YJU2B: variants seen among roughly 807,000 people sequenced by gnomAD.
The protein encoded by YJU2B is probable splicing factor YJU2B.
Under a neutral mutation model 38.0 loss-of-function variants are expected in YJU2B, and 18 were observed. That is an observed-to-expected ratio of 0.47 (90% CI 0.33 to 0.70). The LOEUF (loss-of-function observed/expected upper bound fraction) is 0.70. YJU2B is among the 30% of genes least tolerant of loss of function. The pLI, the probability that YJU2B is intolerant of heterozygous loss-of-function variation, is 0.02. For synonymous variants in YJU2B, 246 were observed against 225.4 expected, an observed-to-expected ratio of 1.09 and a Z score of -0.82; for missense variants, 538 against 556.3, an observed-to-expected ratio of 0.97 and a Z score of 0.33.
intron 2 of YJU2B, among the ~76,000 whole-genome samples, chr19:13,733,551 G>A (rs1972872877): frequency 1.3e-5 from 2 of 152,016 alleles, no homozygotes. Flanking sequence ...GAGAAACCCT[G>A]TCTCTACTAA....
chr19:13,756,023 T>C (rs1229652932), intron 3 of YJU2B, among the ~76,000 whole-genome samples, 174 bp from the exon 4 acceptor site: 1 of 152,222 alleles, frequency 6.6e-6, no homozygotes, highest in South Asian at 2.1e-4. Flanking sequence ...CAAGCCTACA[T>C]GTTCCAGTAA....
At chr19:13,739,489 G>A (rs971588819) in intron 2 of YJU2B, among the ~76,000 whole-genome samples, 1 of 151,982 alleles carries the variant, frequency 6.6e-6, no homozygotes, top group Non-Finnish European at 1.5e-5. Context: ...CTATGGATTT[G>A]GAAGCTCTAG....
chr19:13,742,759 C>G (rs1342400925), intron 2 of YJU2B, among the ~76,000 whole-genome samples: 11 of 152,208 alleles, frequency 7.2e-5, no homozygotes, highest in African/African-American at 2.7e-4. Flanking sequence ...TCTAGGAAGT[C>G]CTGCTCCCAA....
intron 2 of YJU2B, 96 bp downstream of exon 2, chr19:13,751,907 G>C: frequency 1.6e-6 from 2 of 1,233,234 alleles, no homozygotes; most frequent in Non-Finnish European, 2.4e-6. Context: ...CTAAGATGAT[G>C]ATTTCAATCT....
At chr19:13,739,518 C>T (rs1034474353) in intron 2 of YJU2B, among the ~76,000 whole-genome samples, 5 of 152,136 alleles carry the variant, frequency 3.3e-5, no homozygotes, top group African/African-American at 4.8e-5. Context: ...AACACTCCCT[C>T]GGTTTGTTAA....
chr19:13,742,664 G>A (rs960076133), intron 2 of YJU2B, among the ~76,000 whole-genome samples: 14 of 152,096 alleles, frequency 9.2e-5, no homozygotes, highest in African/African-American at 3.4e-4. Flanking sequence ...TGTATCCCAG[G>A]CTGATGTTCA....
chr19:13,746,242 T>TC (rs952753646), upstream of YJU2B, among the ~76,000 whole-genome samples: 1 of 150,992 alleles, frequency 6.6e-6, no homozygotes, highest in African/African-American at 2.4e-5. Flanking sequence ...ACAGTGAGAC[T>TC]CCGACTCAAA....
At chr19:13,732,940 T>G (rs554830328) in intron 2 of YJU2B, among the ~76,000 whole-genome samples, 20 of 148,996 alleles carry the variant, frequency 1.3e-4, no homozygotes, top group Non-Finnish European at 2.8e-4. Context: ...AATTTTTTTT[T>G]TTTTTTTGAG....
intron 1 of YJU2B, among the ~76,000 whole-genome samples, chr19:13,750,516 C>T (rs1004843761): frequency 5.3e-5 from 8 of 151,958 alleles, no homozygotes; most frequent in Non-Finnish European, 1.0e-4. Flanking sequence ...TGTGAGCCAC[C>T]GCACCTGGCC....
intron 2 of YJU2B, chr19:13,732,609 TC>T (rs1258299064): frequency 7.6e-6 from 1 of 131,734 alleles, no homozygotes; most frequent in African/African-American, 2.9e-5. Context: ...ATACTTTCTT[TC>T]TTTTTTTTTT....
chr19:13,741,577 TAAAAAAAAAAAA>T (rs36123429), intron 2 of YJU2B, among the ~76,000 whole-genome samples: 1 of 141,096 alleles, frequency 7.1e-6, no homozygotes, highest in Admixed American at 7.2e-5. Context: ...TTCTACAAAT[TAAAAAAAAAAAA>T]AAAAATTAGC....
upstream of YJU2B, among the ~76,000 whole-genome samples, chr19:13,742,913 C>T (rs1973130853): frequency 6.6e-6 from 1 of 152,174 alleles, no homozygotes; most frequent in Non-Finnish European, 1.5e-5. Flanking sequence ...GCATGCCTCC[C>T]TACAGCACAC....
chr19:13,752,326 G>A (rs536605496), intron 2 of YJU2B, among the ~76,000 whole-genome samples: 153 of 147,018 alleles, frequency 1.0e-3, no homozygotes, highest in African/African-American at 3.8e-3. Flanking sequence ...ACCATTGCAA[G>A]GCCAGGCACA....
At chr19:13,734,360 T>C (rs2145072718) in intron 2 of YJU2B, among the ~76,000 whole-genome samples, 1 of 152,192 alleles carries the variant, frequency 6.6e-6, no homozygotes, top group South Asian at 2.1e-4. Context: ...GGCACGATCT[T>C]CACTCACTGC....
In YJU2B at chr19:13,757,451, C is replaced by T; in HGVS notation, c.174C>T (p.Gly58=). The change falls in exon 5 of 10, where the codon GGC becomes GGT. Residue 58 remains glycine, a synonymous_variant. Coordinates refer to ENST00000221554, the MANE Select transcript of YJU2B (RefSeq NM_030818.4). ...TGCCATATAACATCTGGTGCGATGG[C>T]TGCAAGAACCACATCGGCATGGGTG... ...FEMPYNIWCD[G]CKNHIGMGVR... The T allele has an allele frequency of 1.2e-6, 2 of 1,613,942 alleles. No homozygotes were observed. The highest frequency in any genetic ancestry group is 1.7e-6 in the Non-Finnish European group (2 of 1,179,938).
intron 1 of YJU2B, among the ~76,000 whole-genome samples, 179 bp from the exon 2 acceptor site, chr19:13,751,429 C>G (rs1010058235): frequency 6.6e-6 from 1 of 151,916 alleles, no homozygotes; most frequent in Non-Finnish European, 1.5e-5. Context: ...ACAAAAAGAT[C>G]CCCTGGGCAG....
At position 13,739,271 on chromosome 19, in the gene YJU2B, G is replaced by A. The variant is rs139301176; in HGVS notation, c.-202+6986G>A. Among the ~76,000 whole-genome samples the A allele has an allele frequency of 4.9e-3, 752 of 151,986 alleles. 5 individuals are homozygous for A. Among genetic ancestry groups the A allele is most frequent in the African/African-American group, 0.016 (662 of 41,470 alleles). On this transcript the variant is annotated intron_variant, in intron 2 of 10. Coordinates refer to the YJU2B transcript ENST00000586600. Reference sequence around the variant, plus strand: ...AGCAATCCTCCTGCCTCAGCCTCCCGAGTAGCTGGGACTACAGGTACATGC... The same window carrying A: ...AGCAATCCTCCTGCCTCAGCCTCCCAAGTAGCTGGGACTACAGGTACATGC...
At chr19:13,734,308 T>C (rs1972890581) in intron 2 of YJU2B, among the ~76,000 whole-genome samples, 1 of 152,112 alleles carries the variant, frequency 6.6e-6, no homozygotes, top group Non-Finnish European at 1.5e-5. Flanking sequence ...TTTTTTTTTT[T>C]TGAGATGGAG....
intron 2 of YJU2B, among the ~76,000 whole-genome samples, chr19:13,740,692 A>G (rs1973071103): frequency 6.6e-6 from 1 of 151,984 alleles, no homozygotes; most frequent in South Asian, 2.1e-4. Context: ...GTGCGCCACC[A>G]CGCCCGGCTA....
Sources: allele counts gnomAD v4.1 joint callset (sites outside exome capture counted in the v4.1 genomes callset), GRCh38; gene constraint gnomAD v4.1.1; transcripts MANE v1.5; gene names NCBI Gene and HGNC (gene_info 2026-07-23, HGNC 2026-07-21).